ENPP1: variants seen among roughly 807,000 people sequenced by gnomAD.
ENPP1 encodes ectonucleotide pyrophosphatase/phosphodiesterase 1.
In ENPP1, 73 loss-of-function variants were observed where a neutral mutation model predicts 122.8. That is an observed-to-expected ratio of 0.59 (90% CI 0.49 to 0.72). ENPP1 has a LOEUF of 0.72. Ranked by LOEUF, ENPP1 falls within the 30% of genes least tolerant of loss-of-function variation. The probability of loss-of-function intolerance (pLI) is 0.00; values close to 1 mark genes in which losing one functional copy is unlikely to be tolerated. For missense variants in ENPP1, 978 were observed against 1,128.1 expected, an observed-to-expected ratio of 0.87 and a Z score of 1.91; for synonymous variants, 367 against 391.6, an observed-to-expected ratio of 0.94 and a Z score of 0.74.
chr6:131,808,797 T>C (rs1781314142), intron 1 of ENPP1, among the ~76,000 whole-genome samples: 1 of 152,214 alleles, frequency 6.6e-6, no homozygotes, highest in Admixed American at 6.5e-5. Flanking sequence ...TTGCAGGTGC[T>C]CAGAAATTCC....
chr6:131,877,454 A>G (rs1782245109), intron 18 of ENPP1: 4 of 429,286 alleles, frequency 9.3e-6, no homozygotes, highest in South Asian at 9.2e-5. Context: ...AGTCTAGTTC[A>G]GTTCTTGAGC....
At chr6:131,867,545 CAT>C (rs1782106133) in intron 11 of ENPP1, among the ~76,000 whole-genome samples, 1 of 152,010 alleles carries the variant, frequency 6.6e-6, no homozygotes, top group Non-Finnish European at 1.5e-5. Flanking sequence ...AATTAGGAAA[CAT>C]ATTTATACAG....
Position 131,858,664 on chromosome 6 carries a change from C to A in ENPP1, c.716-4C>A, listed in dbSNP as rs768343812. ...ATAACAATGTTTATTTTTTTCCCTT[C>A]TAGAAAAATGTGGAACATATACTAA... On this transcript the variant is annotated splice_polypyrimidine_tract_variant and splice_region_variant and intron_variant, in intron 6 of 24. Coordinates refer to ENST00000647893, the MANE Select transcript of ENPP1 (RefSeq NM_006208.3). 6.3e-6 allele frequency: 10 copies of A among 1,587,902 alleles called. No individual in the cohort carries two copies. In the Admixed American group the frequency reaches 8.4e-5, roughly 13 times the overall value.
Position 131,884,313 on chromosome 6 carries a change from C to T in ENPP1, c.2311+539C>T, listed in dbSNP as rs908457529. Among the ~76,000 whole-genome samples, 2 of 151,858 alleles carry T rather than the reference C, an allele frequency of 1.3e-5. 1 individual carries two copies. Among genetic ancestry groups the T allele is most frequent in the South Asian group, 4.2e-4 (2 of 4,808 alleles). The stretch of plus-strand genomic sequence containing the variant: ...TTAATAGGAAATCGGAATAATATGC[C>T]TTGTTTGTGTTTGCGATGTTGCTAT... On this transcript the variant is annotated intron_variant, in intron 22 of 24. Transcript: ENST00000647893.
chr6:131,859,133 C>G (rs1585821795), intron 7 of ENPP1, among the ~76,000 whole-genome samples: 1 of 152,298 alleles, frequency 6.6e-6, no homozygotes, highest in South Asian at 2.1e-4. Context: ...TGAATTTAAG[C>G]AAGCCACTTT....
At chr6:131,857,927 A>C (rs557825547) in intron 6 of ENPP1, among the ~76,000 whole-genome samples, 1 of 152,342 alleles carries the variant, frequency 6.6e-6, no homozygotes, top group South Asian at 2.1e-4. Flanking sequence ...GTTTAAAATA[A>C]ATCATTAAAC....
intron 1 of ENPP1, among the ~76,000 whole-genome samples, chr6:131,845,828 A>G (rs530691353): frequency 9.9e-5 from 15 of 152,214 alleles, no homozygotes; most frequent in African/African-American, 3.6e-4. Context: ...ATCCATTACT[A>G]TTCTCTTCTG....
At chr6:131,814,310 G>A (rs544858896) in intron 1 of ENPP1, among the ~76,000 whole-genome samples, 1 of 152,216 alleles carries the variant, frequency 6.6e-6, no homozygotes, top group East Asian at 1.9e-4. Flanking sequence ...TCCAAAAATG[G>A]AGAATGCAAT....
In ENPP1 at chr6:131,847,817, A is replaced by G. The variant is rs371132655; in HGVS notation, c.282A>G (p.Ile94Met). The G allele has an allele frequency of 3.7e-6, 6 of 1,611,854 alleles. No individual in the cohort carries two copies. The highest frequency in any genetic ancestry group is 4.2e-6 in the Non-Finnish European group (5 of 1,179,532). The change falls in exon 2 of 25, where the codon ATA becomes ATG. Residue 94 changes from isoleucine to methionine, a missense_variant. By Grantham distance (10) the Ile-to-Met change is conservative. Transcript: ENST00000647893. ...TGTTAACAACAATACTTGGTTGTAT[A>G]TTTGGGTTGAAACCAAGCTGTGCCA... ...VCVLTTILGC[I>M]FGLKPSCAKE...
chr6:131,854,934 C>T lies in ENPP1; in HGVS notation c.626C>T (p.Thr209Met), dbSNP rs187764662. 61 of 1,612,068 alleles carry T rather than the reference C, an allele frequency of 3.8e-5. No individual in the cohort carries two copies. The highest frequency in any genetic ancestry group is 2.1e-4 in the African/African-American group (16 of 74,928). ...TCTTTTTCATTACCCAGGTTTGAAA[C>T]GCCTCCTACCCTCTTATTTTCTTTG... ...NEPQCPAGFETPPTLLFSLDG... is the reference protein window; with the variant it reads ...NEPQCPAGFEMPPTLLFSLDG... Residue 209 changes from threonine (T) to methionine (M), a missense_variant, in exon 6 of 25, where the codon ACG (threonine) becomes ATG (methionine). Coordinates refer to ENST00000647893, the MANE Select transcript of ENPP1 (RefSeq NM_006208.3).
intron 4 of ENPP1, among the ~76,000 whole-genome samples, chr6:131,851,590 T>C (rs1169789405): frequency 2.6e-5 from 4 of 152,128 alleles, no homozygotes; most frequent in Admixed American, 6.6e-5. Flanking sequence ...CTTGATGTTG[T>C]ATTTGTGGAA....
chr6:131,839,994 A>G (rs62424475), intron 1 of ENPP1, among the ~76,000 whole-genome samples: 12,542 of 152,198 alleles, frequency 0.082, 1,083 homozygotes, highest in African/African-American at 0.22. Flanking sequence ...ATATTTGTAC[A>G]TACTTTCTTA....
Position 131,808,022 on chromosome 6 carries a change from C to T in ENPP1, c.-14C>T. 3 of 916,706 alleles carry T rather than the reference C, an allele frequency of 3.3e-6. No individual in the cohort carries two copies. Among genetic ancestry groups the T allele is most frequent in the South Asian group, 5.2e-5 (1 of 19,364 alleles). The allele number at this position is 916,706 out of a possible 1,614,324, so 56.8% of individuals were successfully genotyped here. A position where few individuals can be genotyped will look rare whatever the true frequency, so the allele number is the denominator to read the frequency against. On this transcript the variant is annotated 5_prime_UTR_variant, in exon 1 of 25. Transcript: ENST00000647893. ...GCGCGGCCGGGCAGCGGGGCCGGAG[C>T]GGCCGGGGCCACGATGGAGCGCGAC...
intron 1 of ENPP1, among the ~76,000 whole-genome samples, chr6:131,810,454 C>CT (rs1486297462): frequency 4.9e-5 from 7 of 142,930 alleles, no homozygotes; most frequent in African/African-American, 1.9e-4. Flanking sequence ...CCCCGCCCCC[C>CT]CCCCAAAAAC....
At chr6:131,874,446 G>A in intron 16 of ENPP1, 109 bp downstream of exon 16, 7 of 684,832 alleles carry the variant, frequency 1.0e-5, no homozygotes, top group South Asian at 5.3e-5. Context: ...GAGAATTAAT[G>A]GAACATACTT....
At chr6:131,840,878 G>C (rs1157339268) in intron 1 of ENPP1, among the ~76,000 whole-genome samples, 1 of 152,168 alleles carries the variant, frequency 6.6e-6, no homozygotes, top group Non-Finnish European at 1.5e-5. Context: ...TACCAGGCAG[G>C]TGTCAATTTC....
chr6:131,844,468 A>G (rs1485550350), intron 1 of ENPP1, among the ~76,000 whole-genome samples: 1 of 151,428 alleles, frequency 6.6e-6, no homozygotes, highest in Non-Finnish European at 1.5e-5. Flanking sequence ...TCTTTTAGTC[A>G]GTTCATGCAC....
At chr6:131,818,057 C>T (rs1781438126) in intron 1 of ENPP1, among the ~76,000 whole-genome samples, 1 of 151,966 alleles carries the variant, frequency 6.6e-6, no homozygotes, top group Non-Finnish European at 1.5e-5. Flanking sequence ...ATGTGTTTCC[C>T]GATCCCCCTC....
At chr6:131,857,743 A>C (rs1165589758) in intron 6 of ENPP1, among the ~76,000 whole-genome samples, 1 of 152,176 alleles carries the variant, frequency 6.6e-6, no homozygotes, top group African/African-American at 2.4e-5. Context: ...TGACACATGT[A>C]TACATATGTA....
Sources: allele counts gnomAD v4.1 joint callset (sites outside exome capture counted in the v4.1 genomes callset), GRCh38; gene constraint gnomAD v4.1.1; transcripts MANE v1.5; gene names NCBI Gene and HGNC (gene_info 2026-07-23, HGNC 2026-07-21).